Variants in C1orf94 observed in about 807,000 individuals in gnomAD.
C1orf94 encodes the protein uncharacterized protein C1orf94.
In C1orf94, 45 loss-of-function variants were observed where a neutral mutation model predicts 53.6. The observed-to-expected ratio is 0.84, with a 90% CI of 0.66 to 1.08. The LOEUF (loss-of-function observed/expected upper bound fraction) is 1.08, where lower values mean the gene tolerates loss of function less well. Among genes scored for constraint, C1orf94 ranks in the 50% least tolerant of loss-of-function variants. C1orf94 has a pLI of 0.00. For synonymous variants in C1orf94, 304 were observed against 296.1 expected (o/e 1.03, Z -0.27); for missense variants, 762 against 738.9 (o/e 1.03, Z -0.36).
chr1:34,175,937 C>T (rs1225081343), upstream of C1orf94, among the ~76,000 whole-genome samples: 1 of 151,934 alleles, frequency 6.6e-6, no homozygotes, highest in African/African-American at 2.4e-5. Flanking sequence ...ATTACTTTTG[C>T]ACCAACCTAA....
chr1:34,213,059 T>A (rs1571351797), intron 6 of C1orf94, among the ~76,000 whole-genome samples: 2 of 152,220 alleles, frequency 1.3e-5, no homozygotes, highest in East Asian at 3.8e-4. Flanking sequence ...TTTAATATAA[T>A]AATACATAGC....
chr1:34,188,087 C>T (rs1006284716), intron 1 of C1orf94, among the ~76,000 whole-genome samples: 2 of 152,116 alleles, frequency 1.3e-5, no homozygotes, highest in Non-Finnish European at 2.9e-5. Context: ...GCTGAAAATG[C>T]AGACACCTGG....
chr1:34,200,851 C>T lies in C1orf94; in HGVS notation c.1089C>T (p.Asp363=), dbSNP rs370854360. The T allele has an allele frequency of 1.0e-4, 169 of 1,614,014 alleles. 2 individuals are homozygous for T. Among genetic ancestry groups the T allele is most frequent in the Admixed American group, 1.8e-4 (11 of 60,002 alleles). ...GCCAGTGGCCCCAGAGCCAGAAGGA[C>T]GCCTGTGGTGAGGAGGGTTGCTGTG... ...FLSQWPQSQK[D]ACGEEGCCDA... Residue 363 remains aspartate, a synonymous_variant, in exon 3 of 7, where the codon GAC becomes GAT. Coordinates refer to ENST00000488417, the MANE Select transcript of C1orf94 (RefSeq NM_001134734.2).
chr1:34,176,435 C>T (rs755741993), upstream of C1orf94, among the ~76,000 whole-genome samples: 3 of 152,068 alleles, frequency 2.0e-5, no homozygotes, highest in Non-Finnish European at 2.9e-5. Flanking sequence ...GATCAGCAAA[C>T]AGCTAACTTA....
intron 5 of C1orf94, among the ~76,000 whole-genome samples, chr1:34,209,313 CACACACAT>C (rs1218142704): frequency 8.6e-5 from 13 of 150,320 alleles, no homozygotes; most frequent in East Asian, 6.0e-4. Flanking sequence ...CACACACACA[CACACACAT>C]GCAGACAGAA....
chr1:34,185,485 C>G (rs1456656867), intron 1 of C1orf94, among the ~76,000 whole-genome samples: 2 of 152,092 alleles, frequency 1.3e-5, no homozygotes, highest in Non-Finnish European at 2.9e-5. Context: ...CAGCCTTTCC[C>G]TCTCTTGAGC....
chr1:34,175,167 G>A (rs1428137330), upstream of C1orf94, among the ~76,000 whole-genome samples: 3 of 147,738 alleles, frequency 2.0e-5, no homozygotes. Context: ...CTCTATCTTT[G>A]TTCCGTATCC....
chr1:34,186,865 C>T (rs565792538), intron 1 of C1orf94, among the ~76,000 whole-genome samples: 1 of 152,176 alleles, frequency 6.6e-6, no homozygotes, highest in Non-Finnish European at 1.5e-5. Context: ...TTCTTAAGGG[C>T]AAGGTCTGTG....
At chr1:34,203,164 G>GTC (rs1317177194) in intron 4 of C1orf94, among the ~76,000 whole-genome samples, 1 of 152,124 alleles carries the variant, frequency 6.6e-6, no homozygotes, top group Non-Finnish European at 1.5e-5. Context: ...TTGAGACAGA[G>GTC]TCTCACTCTA....
chr1:34,205,406 A>G (rs1374885004), intron 4 of C1orf94, among the ~76,000 whole-genome samples: 1 of 152,192 alleles, frequency 6.6e-6, no homozygotes, highest in African/African-American at 2.4e-5. Flanking sequence ...GGCCTGAGAT[A>G]ATAGCAGGCA....
chr1:34,211,845 G>C (rs937999919), intron 5 of C1orf94, among the ~76,000 whole-genome samples: 4 of 152,098 alleles, frequency 2.6e-5, no homozygotes, highest in African/African-American at 9.7e-5. Context: ...TAAACAAGGA[G>C]CTTTTGAGAT....
intron 1 of C1orf94, among the ~76,000 whole-genome samples, chr1:34,187,803 A>T (rs1251972565): frequency 2.5e-5 from 1 of 39,812 alleles, no homozygotes; most frequent in African/African-American, 1.1e-4. Flanking sequence ...ACCACCCAAC[A>T]CTTCTAGTTC....
chr1:34,207,180 T>C (rs1642810269), intron 4 of C1orf94, among the ~76,000 whole-genome samples: 1 of 152,086 alleles, frequency 6.6e-6, no homozygotes. Flanking sequence ...TTGAGCCTCA[T>C]CTTAAGGGAA....
chr1:34,167,465 C>G (rs979892615), intron 1 of C1orf94, among the ~76,000 whole-genome samples: 1 of 152,206 alleles, frequency 6.6e-6, no homozygotes, highest in South Asian at 2.1e-4. Flanking sequence ...AGAACTTTCC[C>G]GGGCAAAAGG....
At chr1:34,212,856 C>A (rs564201991) in intron 6 of C1orf94, among the ~76,000 whole-genome samples, 3 of 152,092 alleles carry the variant, frequency 2.0e-5, no homozygotes, top group Non-Finnish European at 2.9e-5. Context: ...ATGGGCCCTG[C>A]GGAAGAGCCT....
At chr1:34,168,578 G>A (rs373294164) in intron 1 of C1orf94, among the ~76,000 whole-genome samples, 2 of 152,134 alleles carry the variant, frequency 1.3e-5, no homozygotes, top group African/African-American at 4.8e-5. Context: ...AGACCCTGTG[G>A]CTTAAAAAAC....
At position 34,195,735 on chromosome 1, in the gene C1orf94, G is replaced by A. The variant is rs148008414; in HGVS notation, c.321-1490G>A. Among the ~76,000 whole-genome samples the A allele has an allele frequency of 2.6e-3, 391 of 152,146 alleles. 1 individual carries two copies. Among genetic ancestry groups the A allele is most frequent in the Non-Finnish European group, 4.0e-3 (273 of 68,014 alleles). On this transcript the variant is annotated intron_variant, in intron 1 of 6. Transcript: ENST00000488417. ...GCAGTGACTACTCCCCTGGGTCTGTGTATGGTGACATGTGAATTGTGTGCC... is the reference window on the plus strand; with the variant it reads ...GCAGTGACTACTCCCCTGGGTCTGTATATGGTGACATGTGAATTGTGTGCC...
chr1:34,198,869 G>T (rs1182786696), intron 2 of C1orf94, among the ~76,000 whole-genome samples: 2 of 152,182 alleles, frequency 1.3e-5, no homozygotes, highest in Non-Finnish European at 2.9e-5. Context: ...CTTTAGGATG[G>T]GGAGCTGTAG....
rs1377511847 is a variant in C1orf94, at chr1:34,197,957, A to G, written c.1009+44A>G. The G allele has an allele frequency of 2.6e-6, 4 of 1,544,930 alleles. No individual in the cohort carries two copies. Among genetic ancestry groups the G allele is most frequent in the African/African-American group, 2.7e-5 (2 of 72,902 alleles). On this transcript the variant is annotated intron_variant, in intron 2 of 6. Transcript: ENST00000488417. The surrounding 1 kb of genome is among the most constrained non-coding windows in gnomAD (Gnocchi z 4.1). ...GGGGTAGAGTGGGCCTGCAAGGAGG[A>G]GGTCCTTCCCAGGAAGCCAATCAGG...
Sources: allele counts gnomAD v4.1 joint callset (sites outside exome capture counted in the v4.1 genomes callset), GRCh38; gene constraint gnomAD v4.1.1; non-coding constraint Gnocchi (gnomAD v3.1); transcripts MANE v1.5; gene names NCBI Gene and HGNC (gene_info 2026-07-23, HGNC 2026-07-21).